SPTBN5: variants seen among roughly 807,000 people sequenced by gnomAD.
SPTBN5 encodes the protein spectrin beta chain, non-erythrocytic 5.
A neutral mutation model predicts 477.6 loss-of-function variants in SPTBN5; 513 were observed. The observed-to-expected ratio is 1.07, with a 90% confidence interval of 1.00 to 1.16. SPTBN5 has a LOEUF of 1.16. SPTBN5 is among the 50% of genes most tolerant of loss of function. The pLI is 0.00. For missense variants in SPTBN5, 5,062 were observed against 4,731.8 expected (o/e 1.07, Z -2.05); for synonymous variants, 2,169 against 2,011.7 (o/e 1.08, Z -2.09).
chr15:41,888,036 A>C lies in SPTBN5; in HGVS notation c.551T>G (p.Leu184Arg). 6.3e-7 allele frequency: 1 copy of C among 1,587,346 alleles called. No individual in the cohort carries two copies. Among genetic ancestry groups the C allele is most frequent in the Non-Finnish European group, 8.6e-7 (1 of 1,167,108 alleles). ...AALLSTKEAL[L>R]VWCQRKTASY... ...GGCTGTCTTCCGCTGGCACCAGACC[A>C]GCAGGGCTTCCTTGGTGGACAGCAG... Residue 184 changes from leucine to arginine, a missense_variant, in exon 5 of 68, where the codon CTG (leucine) becomes CGG (arginine). By Grantham distance (102) the Leu-to-Arg change is moderately radical (BLOSUM62 -2). Coordinates refer to ENST00000320955, the MANE Select transcript of SPTBN5 (RefSeq NM_016642.4).
chr15:41,877,649 G>A (rs529937662), intron 17 of SPTBN5, among the ~76,000 whole-genome samples: 1 of 152,150 alleles, frequency 6.6e-6, no homozygotes, highest in South Asian at 2.1e-4. Flanking sequence ...CAGGGCCACT[G>A]CAAGCCCCCA....
chr15:41,865,533 G>A (rs1468666360), intron 39 of SPTBN5, among the ~76,000 whole-genome samples: 1 of 152,174 alleles, frequency 6.6e-6, no homozygotes, highest in African/African-American at 2.4e-5. Flanking sequence ...GCATCTGTGC[G>A]GGGCAGTGGG....
At position 41,862,258 on chromosome 15, in the gene SPTBN5, T is replaced by C. The variant is rs1255752596; in HGVS notation, c.7420A>G (p.Lys2474Glu). Reference protein sequence around the residue: ...EALDALHQAQKLQAMLQELLV... With the variant: ...EALDALHQAQELQAMLQELLV... ...AATTCCTGCAGCATTGCCTGGAGTT[T>C]CTGAGCTTGGTGCAAGGCATCCAGC... The change falls in exon 44 of 68, where the codon AAA becomes GAA. Residue 2474 changes from lysine (K) to glutamate (E), a missense_variant. Lys to Glu is a moderately conservative substitution (Grantham distance 56). Transcript: ENST00000320955. The C allele has an allele frequency of 1.9e-6, 3 of 1,610,146 alleles. No homozygotes were observed. Among genetic ancestry groups the C allele is most frequent in the African/African-American group, 1.3e-5 (1 of 74,994 alleles).
At chr15:41,863,425 C>A (rs909940824) in intron 41 of SPTBN5, among the ~76,000 whole-genome samples, 2 of 152,208 alleles carry the variant, frequency 1.3e-5, no homozygotes, top group Non-Finnish European at 2.9e-5. Context: ...TGTTTTCTGG[C>A]CTCTGGACCT....
rs762491677 is a variant in SPTBN5, at chr15:41,868,529, T to C, written c.5926A>G (p.Ser1976Gly). 6.2e-7 allele frequency: 1 copy of C among 1,608,218 alleles called. No individual in the cohort carries two copies. The change falls in exon 33 of 68, where the codon AGC (serine) becomes GGC (glycine). Residue 1976 changes from serine (S) to glycine (G), a missense_variant. By Grantham distance (56) the Ser-to-Gly change is moderately conservative (BLOSUM62 0). Transcript: ENST00000320955. ...GCACTGAGCTTCAGCGGGCCACTGCTAGGCTCTTGCGAACTCTCCTCCACC... is the reference window on the plus strand; with the variant it reads ...GCACTGAGCTTCAGCGGGCCACTGCCAGGCTCTTGCGAACTCTCCTCCACC... ...LQVEESSQEP[S>G]SGPLKLSAHQ...
Position 41,880,320 on chromosome 15 carries a change from G to A in SPTBN5, c.2659-8C>T, listed in dbSNP as rs1221789805. The A allele has an allele frequency of 6.3e-7, 1 of 1,594,864 alleles. No homozygotes were observed. The highest frequency in any genetic ancestry group is 8.5e-7 in the Non-Finnish European group (1 of 1,172,056). On this transcript the variant is annotated splice_polypyrimidine_tract_variant and splice_region_variant and intron_variant, in intron 13 of 67. Transcript: ENST00000320955. Reference sequence around the variant, plus strand: ...CAACCGGGCCCTGCGGAGCTGGGGAGAGGTGGCCCAAGGCTGGGGTGAGGG... The same window carrying A: ...CAACCGGGCCCTGCGGAGCTGGGGAAAGGTGGCCCAAGGCTGGGGTGAGGG...
At position 41,882,859 on chromosome 15, in the gene SPTBN5, AG is replaced by A. The variant is rs1394511110; in HGVS notation, c.1893-122del. 1.2e-5 allele frequency: 17 copies of A among 1,396,764 alleles called. No individual in the cohort carries two copies. The African/African-American group carries it at 2.5e-4, about 20-fold the overall frequency. 86.5% of individuals were successfully genotyped at this position (1,396,764 alleles called of 1,614,324 possible). On this transcript the variant is annotated intron_variant, in intron 9 of 67. Transcript: ENST00000320955. The stretch of plus-strand genomic sequence containing the variant: ...TTTTCTTTTCCCTGGATGACTCAAC[AG>A]GTGAGACGGAGGCTTTGGAAGTGAG...
At chr15:41,880,021 G>A in intron 14 of SPTBN5, 139 bp downstream of exon 14, 6 of 1,409,294 alleles carry the variant, frequency 4.3e-6, no homozygotes, top group East Asian at 2.5e-5. Flanking sequence ...GGGCCAGGAG[G>A]CCCTCGAAAT....
At chr15:41,889,715 A>T (rs1046982938) in intron 4 of SPTBN5, among the ~76,000 whole-genome samples, 6 of 152,164 alleles carry the variant, frequency 3.9e-5, no homozygotes, top group Non-Finnish European at 7.4e-5. Flanking sequence ...CCCTCCACAC[A>T]TTTCATTTTT....
chr15:41,862,329 C>T (rs1455628369), intron 43 of SPTBN5, 37 bp from the exon 44 acceptor site: 2 of 1,561,192 alleles, frequency 1.3e-6, no homozygotes, highest in Admixed American at 3.6e-5. Context: ...GTCAGGCCTT[C>T]AAACCCCTCT....
intron 2 of SPTBN5, 106 bp from the exon 3 acceptor site, chr15:41,893,167 C>G: frequency 6.4e-7 from 1 of 1,571,738 alleles, no homozygotes; most frequent in Non-Finnish European, 8.6e-7. Flanking sequence ...GAAGAAGGAG[C>G]TCTGGCCTCA....
intron 67 of SPTBN5, among the ~76,000 whole-genome samples, chr15:41,849,562 C>G (rs998680476): frequency 2.0e-5 from 3 of 152,168 alleles, no homozygotes; most frequent in Non-Finnish European, 2.9e-5. Context: ...CCTGGCTGCT[C>G]CTCCCACAAG....
At chr15:41,890,790 C>T (rs1197698) in intron 3 of SPTBN5, among the ~76,000 whole-genome samples, 8,437 of 152,290 alleles carry the variant, frequency 0.055, 788 homozygotes, top group African/African-American at 0.19. Context: ...TTAGGTACAC[C>T]AAAGTTGAGA....
intron 12 of SPTBN5, 49 bp downstream of exon 12, chr15:41,881,887 C>A (rs2066964824): frequency 1.4e-6 from 2 of 1,478,960 alleles, no homozygotes; most frequent in South Asian, 2.5e-5. Context: ...GTGGCCCAGC[C>A]GCGGTGGAGC....
chr15:41,874,524 C>T, intron 23 of SPTBN5, 46 bp from the exon 24 acceptor site: 2 of 1,472,886 alleles, frequency 1.4e-6, no homozygotes, highest in Admixed American at 2.3e-5. Flanking sequence ...ACAGAGTGAG[C>T]ACAAGGCTCC....
intron 25 of SPTBN5, 111 bp from the exon 26 acceptor site, chr15:41,873,719 G>T: frequency 1.4e-6 from 2 of 1,471,636 alleles, no homozygotes; most frequent in Non-Finnish European, 1.9e-6. Flanking sequence ...GTGCCCATAG[G>T]GGCACCCATC....
At chr15:41,865,673 G>C in intron 39 of SPTBN5, 135 bp downstream of exon 39, 1 of 754,452 alleles carries the variant, frequency 1.3e-6, no homozygotes, top group East Asian at 2.8e-5. Context: ...TGAGAGGAGG[G>C]AGCCTGCCCG....
At chr15:41,872,887 G>A (rs556787494) in intron 26 of SPTBN5, among the ~76,000 whole-genome samples, 42 of 152,348 alleles carry the variant, frequency 2.8e-4, no homozygotes, top group African/African-American at 9.6e-4. Context: ...TGAAGGTCCT[G>A]TCGCAGAACA....
At chr15:41,890,810 C>T (rs1383310775) in intron 3 of SPTBN5, among the ~76,000 whole-genome samples, 1 of 152,216 alleles carries the variant, frequency 6.6e-6, no homozygotes, top group Admixed American at 6.5e-5. Flanking sequence ...ACTCCTCTGC[C>T]CTACATCCTG....
Sources: gnomAD v4.1 joint callset for allele counts (sites outside exome capture counted in the v4.1 genomes callset) on GRCh38, gnomAD v4.1.1 for gene constraint, MANE v1.5 for transcripts, NCBI Gene and HGNC (gene_info 2026-07-23, HGNC 2026-07-21) for gene names.